The following IGSF11 variants were observed in gnomAD, a reference collection of about 807,000 sequenced individuals.
IGSF11 encodes the protein CXADR like 1.
In IGSF11, 22 loss-of-function variants were observed where a neutral mutation model predicts 41.0. The observed-to-expected ratio is 0.54, with a 90% CI of 0.38 to 0.77. The LOEUF is 0.77. IGSF11 is among the 30% of genes least tolerant of loss of function. IGSF11 has a pLI of 0.00. For missense variants in IGSF11, 444 were observed against 530.8 expected (o/e 0.84, Z 1.61); for synonymous variants, 219 against 201.3 (o/e 1.09, Z -0.74).
At chr3:119,042,362 T>A (rs985600425) in intron 1 of IGSF11, among the ~76,000 whole-genome samples, 1 of 152,032 alleles carries the variant, frequency 6.6e-6, no homozygotes, top group Non-Finnish European at 1.5e-5. Flanking sequence ...GCAGGGAGGG[T>A]TGTAGCCTTG....
chr3:119,053,296 T>C (rs1941699751), intron 1 of IGSF11, among the ~76,000 whole-genome samples: 2 of 152,118 alleles, frequency 1.3e-5, no homozygotes, highest in South Asian at 4.1e-4. Flanking sequence ...CTAGATAGGA[T>C]AAATGAATTC....
At chr3:119,105,029 G>C (rs1368989191) in intron 1 of IGSF11, 26 of 602,200 alleles carry the variant, frequency 4.3e-5, no homozygotes, top group Middle Eastern at 5.3e-4. Context: ...ATTTTTTTTA[G>C]TAGTAGGAGA....
chr3:119,046,661 T>A (rs1941367511), intron 1 of IGSF11, among the ~76,000 whole-genome samples: 1 of 151,800 alleles, frequency 6.6e-6, no homozygotes. Flanking sequence ...AAGATACTCC[T>A]CGAGAAGAGC....
intron 1 of IGSF11, among the ~76,000 whole-genome samples, chr3:118,992,074 G>A (rs1334017286): frequency 6.6e-6 from 1 of 152,210 alleles, no homozygotes; most frequent in Non-Finnish European, 1.5e-5. Flanking sequence ...GAAAGTTTTA[G>A]CAAAAAGACT....
intron 1 of IGSF11, among the ~76,000 whole-genome samples, chr3:119,021,495 G>T (rs1939282846): frequency 1.3e-5 from 2 of 152,118 alleles, no homozygotes; most frequent in Non-Finnish European, 2.9e-5. Flanking sequence ...ATTAATAAGA[G>T]TTTATTGATC....
intron 1 of IGSF11, among the ~76,000 whole-genome samples, chr3:119,136,556 CA>C (rs1224169868): frequency 6.6e-6 from 1 of 151,776 alleles, no homozygotes; most frequent in Non-Finnish European, 1.5e-5. Context: ...GATTTCAAGA[CA>C]AAAACTATAA....
intron 1 of IGSF11, among the ~76,000 whole-genome samples, chr3:118,994,580 C>T (rs1475085902): frequency 1.3e-5 from 2 of 152,136 alleles, no homozygotes; most frequent in Non-Finnish European, 2.9e-5. Flanking sequence ...ATCACTTAAG[C>T]CTGGGAGGTT....
intron 1 of IGSF11, among the ~76,000 whole-genome samples, chr3:119,001,002 G>C (rs897418945): frequency 6.6e-6 from 1 of 151,934 alleles, no homozygotes; most frequent in African/African-American, 2.4e-5. Flanking sequence ...TGCCTATTCT[G>C]ACTGTTTCTC....
At chr3:118,947,244 T>C (rs984629513) in intron 1 of IGSF11, 1 of 152,210 alleles carries the variant, frequency 6.6e-6, no homozygotes, top group Non-Finnish European at 1.5e-5. Context: ...GTGACAACGA[T>C]ATGACTAGGT....
intron 1 of IGSF11, among the ~76,000 whole-genome samples, chr3:119,080,659 G>A (rs1362201142): frequency 2.0e-5 from 3 of 152,148 alleles, no homozygotes; most frequent in Non-Finnish European, 4.4e-5. Flanking sequence ...CTATGTAAAT[G>A]TTTGCAGATG....
chr3:119,003,946 C>A (rs1422317376), intron 1 of IGSF11, among the ~76,000 whole-genome samples: 2 of 150,630 alleles, frequency 1.3e-5, no homozygotes, highest in Admixed American at 6.6e-5. Context: ...TGTCTCTGCC[C>A]GGCTTTGGTA....
chr3:118,991,683 T>C (rs1301877912), intron 1 of IGSF11, among the ~76,000 whole-genome samples: 1 of 152,216 alleles, frequency 6.6e-6, no homozygotes, highest in Non-Finnish European at 1.5e-5. Context: ...ATAAGATAAA[T>C]GCTCACGTAT....
chr3:119,100,024 G>A (rs1053889708), intron 1 of IGSF11, among the ~76,000 whole-genome samples: 7 of 152,016 alleles, frequency 4.6e-5, no homozygotes, highest in Non-Finnish European at 1.0e-4. Flanking sequence ...AAGACAGAAC[G>A]GGATGACATG....
chr3:118,943,941 T>G (rs1943911028), intron 1 of IGSF11, among the ~76,000 whole-genome samples: 1 of 152,260 alleles, frequency 6.6e-6, no homozygotes, highest in Non-Finnish European at 1.5e-5. Context: ...CAAGTAGAGT[T>G]ATTTATGAAC....
intron 1 of IGSF11, among the ~76,000 whole-genome samples, chr3:119,099,921 A>T (rs566060201): frequency 6.6e-6 from 1 of 152,164 alleles, no homozygotes; most frequent in Non-Finnish European, 1.5e-5. Flanking sequence ...TACTTTCTCA[A>T]TCTGATAACT....
chr3:119,021,558 G>A (rs1015872333), intron 1 of IGSF11, among the ~76,000 whole-genome samples: 6 of 152,012 alleles, frequency 3.9e-5, no homozygotes, highest in African/African-American at 1.4e-4. Context: ...CAAAGTGTAA[G>A]ACCATAACAA....
intron 1 of IGSF11, among the ~76,000 whole-genome samples, chr3:118,954,998 C>T (rs1944844917): frequency 6.6e-6 from 1 of 152,066 alleles, no homozygotes; most frequent in South Asian, 2.1e-4. Flanking sequence ...TGTGGAGATT[C>T]CCTAAAGAAC....
chr3:118,928,468 T>C (rs1189087962), intron 3 of IGSF11, 41 bp downstream of exon 3: 1 of 1,521,728 alleles, frequency 6.6e-7, no homozygotes, highest in Non-Finnish European at 9.1e-7. Flanking sequence ...AGTAGCTTCG[T>C]GAGTAAAGCC....
At chr3:118,997,036 T>C (rs1227346455) in intron 1 of IGSF11, among the ~76,000 whole-genome samples, 4 of 152,196 alleles carry the variant, frequency 2.6e-5, no homozygotes, top group African/African-American at 9.7e-5. Flanking sequence ...GATTCTTGGA[T>C]TTGAGGTGTC....
Sources: allele counts gnomAD v4.1 joint callset (sites outside exome capture counted in the v4.1 genomes callset), GRCh38; gene constraint gnomAD v4.1.1; transcripts MANE v1.5; gene names NCBI Gene and HGNC (gene_info 2026-07-23, HGNC 2026-07-21).